The following QSOX1 variants were observed in gnomAD, a reference collection of about 807,000 sequenced individuals.
The protein encoded by QSOX1 is quiescin sulfhydryl oxidase 1, also known as sulfhydryl oxidase 1.
In QSOX1, 40 loss-of-function variants were observed where a neutral mutation model predicts 76.1. The ratio of observed to expected loss-of-function variants is 0.53; its 90% CI spans 0.41 to 0.68. QSOX1 has a LOEUF of 0.68. Ranked by LOEUF, QSOX1 falls within the 30% of genes least tolerant of loss-of-function variation. The probability of loss-of-function intolerance (pLI) is 0.00; values close to 1 mark genes in which losing one functional copy is unlikely to be tolerated. For missense variants in QSOX1, 931 were observed against 974.3 expected (o/e 0.96, Z 0.59); for synonymous variants, 392 against 413.1 (o/e 0.95, Z 0.62).
intron 4 of QSOX1, among the ~76,000 whole-genome samples, chr1:180,178,416 C>A (rs559906772): frequency 6.6e-6 from 1 of 152,204 alleles, no homozygotes. Flanking sequence ...TTAGTAGAGA[C>A]GGGCTTTCAC....
At chr1:180,168,758 A>G (rs1000909964) in intron 2 of QSOX1, among the ~76,000 whole-genome samples, 1 of 152,176 alleles carries the variant, frequency 6.6e-6, no homozygotes, top group African/African-American at 2.4e-5. Flanking sequence ...AACACTACTC[A>G]AACAGATTCC....
Position 180,165,507 on chromosome 1 carries a change from G to A in QSOX1, c.266-984G>A, listed in dbSNP as rs558657549. Among the ~76,000 whole-genome samples the A allele has an allele frequency of 3.3e-5, 5 of 152,360 alleles. No individual in the cohort carries two copies. The South Asian group carries it at 1.0e-3, about 32-fold the overall frequency. ...TCTCCTCCTCCACCTTGCTCAGGCA[G>A]TTCCCTGCCCACTGGACCGACGGTC... On this transcript the variant is annotated intron_variant, in intron 1 of 11. Transcript: ENST00000367602.
At position 180,184,009 on chromosome 1, in the gene QSOX1, T is replaced by C. The variant is rs1663105700; in HGVS notation, c.846T>C (p.Thr282=). 1 of 1,614,166 alleles carries C rather than the reference T, an allele frequency of 6.2e-7. No homozygotes were observed. The change falls in exon 7 of 12, where the codon ACT becomes ACC. Residue 282 remains threonine, a synonymous_variant. Coordinates refer to ENST00000367602, the MANE Select transcript of QSOX1 (RefSeq NM_002826.5). ...CCCAGACCACAGTTGCACCAACCAC[T>C]GCTAACAAGATAGCTCCCACTGTTT... ...EAAQTTVAPT[T]ANKIAPTVWK...
chr1:180,171,823 G>T (rs1486035938), intron 2 of QSOX1, among the ~76,000 whole-genome samples: 1 of 152,174 alleles, frequency 6.6e-6, no homozygotes, highest in Non-Finnish European at 1.5e-5. Flanking sequence ...AAGCCAACCA[G>T]GGGAGGGTGG....
intron 1 of QSOX1, among the ~76,000 whole-genome samples, chr1:180,163,389 T>A (rs1572038567): frequency 6.6e-6 from 1 of 152,246 alleles, no homozygotes; most frequent in African/African-American, 2.4e-5. Context: ...CCTTATTATT[T>A]TTAGTTTTAG....
At chr1:180,174,164 C>T (rs527408278) in intron 2 of QSOX1, among the ~76,000 whole-genome samples, 44 of 152,350 alleles carry the variant, frequency 2.9e-4, no homozygotes, top group Admixed American at 6.5e-4. Context: ...TGCAGGCTCT[C>T]CCCTAGGCAG....
chr1:180,183,811 C>A (rs1309821518), intron 6 of QSOX1, 105 bp from the exon 7 acceptor site: 18 of 1,291,340 alleles, frequency 1.4e-5, no homozygotes, highest in Admixed American at 2.2e-5. Flanking sequence ...ATTTAATAAA[C>A]CTTCCTGTCC....
At chr1:180,185,275 G>A (rs1481005664) in intron 7 of QSOX1, among the ~76,000 whole-genome samples, 1 of 152,214 alleles carries the variant, frequency 6.6e-6, no homozygotes, top group Non-Finnish European at 1.5e-5. Flanking sequence ...CTGAGGCCCA[G>A]GAAAGTCAAC....
At chr1:180,156,618 T>C (rs6686428) in intron 1 of QSOX1, among the ~76,000 whole-genome samples, 18,662 of 152,200 alleles carry the variant, frequency 0.12, 1,742 homozygotes, top group African/African-American at 0.26. Context: ...AAATTATTTT[T>C]AAATGAAACT....
chr1:180,187,032 C>T (rs1185561563), intron 8 of QSOX1, among the ~76,000 whole-genome samples: 1 of 152,252 alleles, frequency 6.6e-6, no homozygotes, highest in Non-Finnish European at 1.5e-5. Flanking sequence ...GCTCAGCCTC[C>T]CTTGGCCCTG....
intron 8 of QSOX1, among the ~76,000 whole-genome samples, chr1:180,187,341 G>T (rs1263085990): frequency 6.6e-6 from 1 of 152,224 alleles, no homozygotes; most frequent in African/African-American, 2.4e-5. Context: ...GCTGAGAGCT[G>T]TTTGGTCCTC....
chr1:180,159,764 G>T (rs754608588), intron 1 of QSOX1, among the ~76,000 whole-genome samples: 1 of 152,162 alleles, frequency 6.6e-6, no homozygotes, highest in East Asian at 1.9e-4. Context: ...GCTTGGTGGC[G>T]TGGAACTTCA....
At chr1:180,191,755 A>G (rs935388368) in intron 10 of QSOX1, among the ~76,000 whole-genome samples, 2 of 152,142 alleles carry the variant, frequency 1.3e-5, no homozygotes, top group African/African-American at 2.4e-5. Context: ...ACCCATGTGG[A>G]GAGGAGAAGG....
At chr1:180,189,836 C>G (rs377049365) in intron 9 of QSOX1, among the ~76,000 whole-genome samples, 162 bp downstream of exon 9, 123 of 152,310 alleles carry the variant, frequency 8.1e-4, no homozygotes, top group Middle Eastern at 6.8e-3. Context: ...TGATTGAGCT[C>G]TCTATGCGCA....
intron 11 of QSOX1, among the ~76,000 whole-genome samples, chr1:180,195,605 CA>C (rs1663453282): frequency 6.6e-6 from 1 of 152,058 alleles, no homozygotes; most frequent in Non-Finnish European, 1.5e-5. Context: ...GGGCTGGGCC[CA>C]CCTGGGGTAC....
At position 180,200,934 on chromosome 1, in the gene QSOX1, G is replaced by A. The variant is rs1663623769; in HGVS notation, c.*3897G>A. 1 of 152,238 alleles carries A rather than the reference G, an allele frequency of 6.6e-6. No homozygotes were observed. The highest frequency in any genetic ancestry group is 2.4e-5 in the African/African-American group (1 of 41,450). 9.4% of individuals were successfully genotyped at this position (152,238 alleles called of 1,614,324 possible). On this transcript the variant is annotated 3_prime_UTR_variant, in exon 12 of 12. Coordinates refer to ENST00000367602, the MANE Select transcript of QSOX1 (RefSeq NM_002826.5). ...TGGCAGTAACCACTGTTGTGTGTTG[G>A]TGTCAAGGAGTGGGGACACCCTGAA... is the stretch of plus-strand genomic sequence containing the variant.
intron 6 of QSOX1, among the ~76,000 whole-genome samples, chr1:180,183,040 A>G (rs1663078531): frequency 6.6e-6 from 1 of 152,146 alleles, no homozygotes. Flanking sequence ...GTGCGATGCC[A>G]CCAAGGACAG....
At chr1:180,192,765 G>A (rs566379334) in intron 10 of QSOX1, among the ~76,000 whole-genome samples, 1 of 152,302 alleles carries the variant, frequency 6.6e-6, no homozygotes, top group Admixed American at 6.5e-5. Context: ...GAGTTCCAGG[G>A]AGAGGTGGGG....
rs567100216 is a variant in QSOX1 at position 180,158,330 on chromosome 1, T to C, written c.265+3158T>C. 3.3e-5 allele frequency among the ~76,000 whole-genome samples: 5 copies of C among 152,344 alleles called. No homozygotes were observed. The South Asian group carries it at 8.3e-4, about 25-fold the overall frequency. On this transcript the variant is annotated intron_variant, in intron 1 of 11. Transcript: ENST00000367602. ...CAGTGTTGGTTTTGCCCCCCTTCTC[T>C]TCCACGGCACAGGCCACATCTGCTA...
Sources: gnomAD v4.1 joint callset for allele counts (sites outside exome capture counted in the v4.1 genomes callset) on GRCh38, gnomAD v4.1.1 for gene constraint, MANE v1.5 for transcripts, NCBI Gene and HGNC (gene_info 2026-07-23, HGNC 2026-07-21) for gene names.